Variants in VRK2 observed in about 807,000 individuals in gnomAD.
VRK2 encodes serine/threonine-protein kinase VRK2.
VRK2 carries 60 observed loss-of-function variants against 57.6 expected under a neutral mutation model. The ratio of observed to expected loss-of-function variants is 1.04; its 90% CI spans 0.85 to 1.29. The LOEUF (loss-of-function observed/expected upper bound fraction) is 1.29. Among genes scored for constraint, VRK2 ranks in the 50% most tolerant of loss-of-function variants. VRK2 has a pLI of 0.00. For synonymous variants in VRK2, 231 were observed against 199.2 expected, an observed-to-expected ratio of 1.16 and a Z score of -1.35; for missense variants, 705 against 588.1, an observed-to-expected ratio of 1.20 and a Z score of -2.06.
chr2:58,149,700 A>G (rs1682703585), intron 12 of VRK2, among the ~76,000 whole-genome samples: 2 of 151,660 alleles, frequency 1.3e-5, no homozygotes, highest in Admixed American at 1.3e-4. Flanking sequence ...GGCTGAGGAA[A>G]TTTCACCATA....
chr2:57,954,642 A>G (rs1203427868), intron 1 of VRK2, among the ~76,000 whole-genome samples: 1 of 152,018 alleles, frequency 6.6e-6, no homozygotes, highest in Non-Finnish European at 1.5e-5. Context: ...CTAAGTTCAG[A>G]GTGTTGCTAT....
At position 58,074,810 on chromosome 2, in the gene VRK2, A is replaced by G. The variant is rs554799242; in HGVS notation, c.137-9279A>G. Among the ~76,000 whole-genome samples, 5 of 152,160 alleles carry G rather than the reference A, an allele frequency of 3.3e-5. No homozygotes were observed. The East Asian group carries it at 9.7e-4, about 29-fold the overall frequency. On this transcript the variant is annotated intron_variant, in intron 2 of 12. Transcript: ENST00000340157. ...AAAACATTTCTTGCAAGGTGGGTCT[A>G]CTGTTGATGTGCTGGTAAGGTGTGG...
chr2:58,158,497 T>C (rs971030141), intron 12 of VRK2, among the ~76,000 whole-genome samples: 1 of 152,114 alleles, frequency 6.6e-6, no homozygotes, highest in Non-Finnish European at 1.5e-5. Flanking sequence ...AGTTTAAAGG[T>C]TGAGAAGGTA....
intron 1 of VRK2, among the ~76,000 whole-genome samples, chr2:57,942,369 A>G (rs1671126531): frequency 6.6e-6 from 1 of 152,208 alleles, no homozygotes; most frequent in African/African-American, 2.4e-5. Context: ...TGAATCAGGC[A>G]GTTGTGCATG....
At position 58,078,552 on chromosome 2, in the gene VRK2, A is replaced by AT. The variant is rs976717300; in HGVS notation, c.137-5530dup. Among the ~76,000 whole-genome samples, 83 of 152,016 alleles carry AT rather than the reference A, an allele frequency of 5.5e-4. 1 individual carries two copies. The highest frequency in any genetic ancestry group is 3.4e-3 in the Middle Eastern group (1 of 294). The stretch of plus-strand genomic sequence containing the variant: ...GCTAGATCATATGGTAATTTTATTT[A>AT]TTTTTTTGAGGAGCCGCCATACCAT... On this transcript the variant is annotated intron_variant, in intron 2 of 12. Coordinates refer to ENST00000340157, the MANE Select transcript of VRK2 (RefSeq NM_006296.7).
intron 2 of VRK2, among the ~76,000 whole-genome samples, chr2:58,029,791 T>G (rs906375012): frequency 7.9e-5 from 12 of 152,068 alleles, no homozygotes. Context: ...TACATTACCT[T>G]GAGTATCTAG....
chr2:57,999,478 G>A (rs1174469465), intron 1 of VRK2, among the ~76,000 whole-genome samples: 1 of 152,084 alleles, frequency 6.6e-6, no homozygotes, highest in Non-Finnish European at 1.5e-5. Flanking sequence ...AAATCAAATA[G>A]CTTTGTGTTT....
intron 7 of VRK2, among the ~76,000 whole-genome samples, chr2:58,098,481 C>G (rs549625796): frequency 6.6e-6 from 1 of 152,020 alleles, no homozygotes; most frequent in African/African-American, 2.4e-5. Flanking sequence ...TACAGCTATA[C>G]CATTTTCAAA....
At chr2:58,137,251 G>GATAT (rs1680668766) in intron 10 of VRK2, among the ~76,000 whole-genome samples, 1 of 77,378 alleles carries the variant, frequency 1.3e-5, no homozygotes, top group African/African-American at 4.8e-5. Context: ...TCATATATAT[G>GATAT]ATATATATGA....
At chr2:58,112,320 A>C (rs1489788052) in intron 7 of VRK2, among the ~76,000 whole-genome samples, 2 of 152,196 alleles carry the variant, frequency 1.3e-5, no homozygotes, top group South Asian at 2.1e-4. Flanking sequence ...TACTTTGCCC[A>C]GTGATTATTA....
At chr2:58,004,249 T>C (rs987005347) in intron 1 of VRK2, among the ~76,000 whole-genome samples, 1 of 152,058 alleles carries the variant, frequency 6.6e-6, no homozygotes, top group Non-Finnish European at 1.5e-5. Context: ...AATATGCTTT[T>C]ATAGTTCCTA....
At chr2:57,957,168 C>T (rs920813545) in intron 1 of VRK2, among the ~76,000 whole-genome samples, 1 of 152,076 alleles carries the variant, frequency 6.6e-6, no homozygotes, top group African/African-American at 2.4e-5. Context: ...TGAAGTAGAA[C>T]AAAAGCTATA....
chr2:58,065,803 G>A (rs1044820643), intron 2 of VRK2, among the ~76,000 whole-genome samples: 4 of 151,980 alleles, frequency 2.6e-5, no homozygotes, highest in African/African-American at 9.7e-5. Context: ...GTAGTTATTA[G>A]CATACTAGTC....
intron 2 of VRK2, among the ~76,000 whole-genome samples, chr2:58,028,899 A>ATATATATAT (rs1674021434): frequency 8.7e-5 from 7 of 80,862 alleles, no homozygotes; most frequent in African/African-American, 3.1e-4. Context: ...TAAATAAATA[A>ATATATATAT]ATAAATATAT....
chr2:57,951,706 A>G (rs1215949019), intron 1 of VRK2, among the ~76,000 whole-genome samples: 1 of 152,156 alleles, frequency 6.6e-6, no homozygotes, highest in East Asian at 1.9e-4. Context: ...CAAAACAATT[A>G]TGACTTGCTG....
intron 6 of VRK2, among the ~76,000 whole-genome samples, chr2:58,089,081 C>G (rs1277802093): frequency 6.6e-6 from 1 of 152,170 alleles, no homozygotes; most frequent in Non-Finnish European, 1.5e-5. Flanking sequence ...TATCCATCCT[C>G]GAAGCCAGCA....
chr2:58,157,672 C>G (rs1283011554), intron 12 of VRK2, among the ~76,000 whole-genome samples: 1 of 152,166 alleles, frequency 6.6e-6, no homozygotes, highest in East Asian at 1.9e-4. Flanking sequence ...TGAATGAGAT[C>G]TGCATTTTAA....
At chr2:57,955,738 T>C (rs1671567107) in intron 1 of VRK2, among the ~76,000 whole-genome samples, 1 of 152,178 alleles carries the variant, frequency 6.6e-6, no homozygotes, top group South Asian at 2.1e-4. Flanking sequence ...TGCACATGTA[T>C]CCTGGAACTT....
At chr2:58,129,875 C>T (rs761844767) in intron 8 of VRK2, among the ~76,000 whole-genome samples, 1 of 152,086 alleles carries the variant, frequency 6.6e-6, no homozygotes, top group Non-Finnish European at 1.5e-5. Context: ...CAGGACTTAT[C>T]AGAAACAGTG....
Sources: allele counts gnomAD v4.1 joint callset (sites outside exome capture counted in the v4.1 genomes callset), GRCh38; gene constraint gnomAD v4.1.1; transcripts MANE v1.5; gene names NCBI Gene and HGNC (gene_info 2026-07-23, HGNC 2026-07-21).